The following CDH2 variants were observed in gnomAD, a reference collection of about 807,000 sequenced individuals.
The protein encoded by CDH2 is cadherin 2.
In CDH2, 17 loss-of-function variants were observed where a neutral mutation model predicts 92.0. The ratio of observed to expected loss-of-function variants is 0.18; its 90% confidence interval spans 0.13 to 0.28. The LOEUF (loss-of-function observed/expected upper bound fraction) is 0.28, where lower values mean the gene tolerates loss of function less well. CDH2 is among the 10% of genes least tolerant of loss of function. CDH2 has a pLI of 1.00. For synonymous variants in CDH2, 419 were observed against 415.9 expected (o/e 1.01, Z -0.09); for missense variants, 862 against 1,133.1 (o/e 0.76, Z 3.44).
In CDH2 at chr18:28,177,067, GGC is replaced by G. The variant is rs2016559086; in HGVS notation, c.-47_-46del. 2.2e-6 allele frequency: 3 copies of G among 1,353,472 alleles called. No individual in the cohort carries two copies. The African/African-American group carries it at 4.5e-5, about 21-fold the overall frequency. 83.8% of individuals were successfully genotyped at this position (1,353,472 alleles called of 1,614,324 possible). ...GCGAAGAGCCGGAGGAGGCGGCGGCGGCGGCGGCGGCGGCGGAGGAGGAGGAG... is the reference window on the plus strand; with the variant it reads ...GCGAAGAGCCGGAGGAGGCGGCGGCGGGCGGCGGCGGCGGAGGAGGAGGAG... On this transcript the variant is annotated 5_prime_UTR_variant, in exon 1 of 16. Transcript: ENST00000269141.
chr18:27,992,559 C>T (rs1333618063), intron 9 of CDH2, 96 bp downstream of exon 9: 11 of 1,007,976 alleles, frequency 1.1e-5, no homozygotes, highest in East Asian at 2.4e-5. Flanking sequence ...GAAAGAAAAA[C>T]GTCCTAAGTT....
At chr18:28,011,490 T>A (rs977840238) in intron 4 of CDH2, among the ~76,000 whole-genome samples, 2 of 152,186 alleles carry the variant, frequency 1.3e-5, no homozygotes, top group African/African-American at 4.8e-5. Flanking sequence ...GCAAAGATCA[T>A]CACAGAGAGC....
At chr18:28,113,337 T>G (rs1220940191) in intron 2 of CDH2, among the ~76,000 whole-genome samples, 1 of 152,046 alleles carries the variant, frequency 6.6e-6, no homozygotes, top group Non-Finnish European at 1.5e-5. Flanking sequence ...GTCTTCAAAA[T>G]CCAAGGCAAC....
chr18:27,943,650 AG>A (rs1171611012), intron 6 of CDH2, among the ~76,000 whole-genome samples: 3 of 152,248 alleles, frequency 2.0e-5, no homozygotes, highest in Non-Finnish European at 4.4e-5. Context: ...CCAAGTCCAC[AG>A]CCCAGTATCT....
chr18:28,001,415 G>T (rs1200818733), intron 7 of CDH2, among the ~76,000 whole-genome samples: 2 of 152,204 alleles, frequency 1.3e-5, no homozygotes, highest in African/African-American at 4.8e-5. Context: ...GTGAATGAAA[G>T]AGAAATATTA....
At chr18:28,047,332 A>C (rs1468097643) in intron 2 of CDH2, among the ~76,000 whole-genome samples, 12 of 152,182 alleles carry the variant, frequency 7.9e-5, no homozygotes, top group Non-Finnish European at 1.6e-4. Context: ...AATACTCTTC[A>C]TTTTACATCT....
intron 2 of CDH2, among the ~76,000 whole-genome samples, chr18:28,071,013 C>T (rs1347472670): frequency 1.3e-5 from 2 of 151,932 alleles, no homozygotes; most frequent in African/African-American, 4.8e-5. Flanking sequence ...ATTTGTGTCT[C>T]GGTTCTGCCT....
At chr18:27,985,274 T>A in intron 12 of CDH2, 41 bp from the exon 13 acceptor site, 1 of 1,144,970 alleles carries the variant, frequency 8.7e-7, no homozygotes, top group Non-Finnish European at 1.3e-6. Context: ...AGGTAATACT[T>A]AAAGCGATAA....
intron 1 of CDH2, among the ~76,000 whole-genome samples, chr18:28,164,371 GC>G (rs964999421): frequency 1.3e-5 from 2 of 152,154 alleles, no homozygotes; most frequent in Non-Finnish European, 2.9e-5. Flanking sequence ...CATGTAAAGT[GC>G]TTTGAACCAC....
intron 14 of CDH2, among the ~76,000 whole-genome samples, chr18:27,982,418 A>C (rs1329838403): frequency 6.6e-6 from 1 of 152,198 alleles, no homozygotes; most frequent in Non-Finnish European, 1.5e-5. Flanking sequence ...ATAAATACAA[A>C]GATGAACTAG....
intron 2 of CDH2, among the ~76,000 whole-genome samples, chr18:28,076,827 GATTA>G (rs1321515603): frequency 1.3e-5 from 2 of 151,764 alleles, no homozygotes; most frequent in Non-Finnish European, 2.9e-5. Context: ...GAAATGTGTG[GATTA>G]ATTTATCAGA....
chr18:27,982,056 T>C (rs962382878), intron 14 of CDH2, among the ~76,000 whole-genome samples: 1 of 152,204 alleles, frequency 6.6e-6, no homozygotes, highest in Non-Finnish European at 1.5e-5. Flanking sequence ...CCTAAGTGCA[T>C]GATTTTGTAG....
intron 2 of CDH2, among the ~76,000 whole-genome samples, chr18:28,137,265 A>G (rs1731003900): frequency 6.6e-6 from 1 of 152,176 alleles, no homozygotes; most frequent in Non-Finnish European, 1.5e-5. Flanking sequence ...ACACATCTTC[A>G]AAAGTGGCTG....
At chr18:28,055,821 A>G (rs1330107874) in intron 2 of CDH2, among the ~76,000 whole-genome samples, 2 of 152,134 alleles carry the variant, frequency 1.3e-5, no homozygotes, top group African/African-American at 4.8e-5. Context: ...TTAGTTGAAA[A>G]AATATTTTTC....
Position 28,147,795 on chromosome 18 carries a change from A to C in CDH2, c.61-11T>G, listed in dbSNP as rs199997475. 2 of 1,456,072 alleles carry C rather than the reference A, an allele frequency of 1.4e-6. No homozygotes were observed. Among genetic ancestry groups the C allele is most frequent in the South Asian group, 1.2e-5 (1 of 82,926 alleles). The allele number at this position is 1,456,072 out of a possible 1,614,324, so 90.2% of individuals were successfully genotyped here. On this transcript the variant is annotated splice_polypyrimidine_tract_variant and intron_variant, in intron 1 of 15. Transcript: ENST00000269141. ...AGCCTCTACAGACGCCTGCAACACA[A>C]GAAAAAAAAAAAAAATGTGTGCAAT...
rs1189545205 is a variant in CDH2, at chr18:27,944,710, A to G, written c.1152-11586T>C. On this transcript the variant is annotated intron_variant, in intron 6 of 6. Coordinates refer to the CDH2 transcript ENST00000675173. The stretch of plus-strand genomic sequence containing the variant: ...CTGAAGTGGAGGATCACTTCAGGCT[A>G]GGAGTTCAAGACCAGCTTTGGCAAC... 2.8e-5 allele frequency among the ~76,000 whole-genome samples: 4 copies of G among 141,590 alleles called. No homozygotes were observed. In the South Asian group the frequency reaches 1.0e-3, roughly 36 times the overall value. 92.9% of individuals were successfully genotyped at this position (141,590 alleles called of 152,430 possible). A position where few individuals can be genotyped will look rare whatever the true frequency, so the allele number is the denominator to read the frequency against.
At chr18:28,100,124 T>G (rs76521362) in intron 2 of CDH2, among the ~76,000 whole-genome samples, 1 of 152,176 alleles carries the variant, frequency 6.6e-6, no homozygotes, top group Non-Finnish European at 1.5e-5. Flanking sequence ...AATGTGGCTG[T>G]GCCATGGGGT....
chr18:28,009,968 A>C, intron 4 of CDH2, 96 bp from the exon 5 acceptor site: 3 of 890,842 alleles, frequency 3.4e-6, no homozygotes, highest in Non-Finnish European at 4.8e-6. Context: ...TTTCAGCTAC[A>C]AACTTATACC....
At chr18:27,996,088 T>C (rs1360630196) in intron 7 of CDH2, among the ~76,000 whole-genome samples, 1 of 152,096 alleles carries the variant, frequency 6.6e-6, no homozygotes, top group Non-Finnish European at 1.5e-5. Flanking sequence ...CTATATGGAA[T>C]AAAATCCAAA....
Sources: gnomAD v4.1 joint callset for allele counts (sites outside exome capture counted in the v4.1 genomes callset) on GRCh38, gnomAD v4.1.1 for gene constraint, MANE v1.5 for transcripts, NCBI Gene and HGNC (gene_info 2026-07-23, HGNC 2026-07-21) for gene names.